The following CPPED1 variants were observed in gnomAD, a reference collection of about 807,000 sequenced individuals.
CPPED1 encodes calcineurin like phosphoesterase domain containing 1, also known as serine/threonine-protein phosphatase CPPED1.
In CPPED1, 28 loss-of-function variants were observed where a neutral mutation model predicts 28.0. The ratio of observed to expected loss-of-function variants is 1.00; its 90% CI spans 0.74 to 1.37. The LOEUF (loss-of-function observed/expected upper bound fraction) is 1.37. Among genes scored for constraint, CPPED1 ranks in the 40% most tolerant of loss-of-function variants. CPPED1 has a pLI of 0.00. For synonymous variants in CPPED1, 198 were observed against 180.2 expected, an observed-to-expected ratio of 1.10 and a Z score of -0.79; for missense variants, 504 against 416.5, an observed-to-expected ratio of 1.21 and a Z score of -1.83.
At chr16:12,744,788 C>A (rs1258996338) in intron 2 of CPPED1, among the ~76,000 whole-genome samples, 16 of 152,142 alleles carry the variant, frequency 1.1e-4, no homozygotes, top group Admixed American at 1.0e-3. Flanking sequence ...CAAGACCAGC[C>A]TCCTGGGCAA....
chr16:12,799,067 T>G (rs938534086), intron 1 of CPPED1, among the ~76,000 whole-genome samples: 1 of 152,082 alleles, frequency 6.6e-6, no homozygotes, highest in African/African-American at 2.4e-5. Flanking sequence ...AAATGGGTCT[T>G]AAAGCAAAGC....
intron 3 of CPPED1, among the ~76,000 whole-genome samples, chr16:12,685,722 C>G (rs1567275443): frequency 6.6e-6 from 1 of 152,172 alleles, no homozygotes; most frequent in Non-Finnish European, 1.5e-5. Context: ...TCAGGGAGGC[C>G]ACCAGCTTCA....
At chr16:12,679,629 C>T (rs1245657667) in intron 3 of CPPED1, among the ~76,000 whole-genome samples, 3 of 152,094 alleles carry the variant, frequency 2.0e-5, no homozygotes, top group East Asian at 3.9e-4. Context: ...TTTATATATT[C>T]GACAATGTAT....
chr16:12,683,416 T>G (rs2079916135), intron 3 of CPPED1, among the ~76,000 whole-genome samples: 1 of 152,112 alleles, frequency 6.6e-6, no homozygotes, highest in South Asian at 2.1e-4. Context: ...CTCTCACTGA[T>G]GACCACCGGT....
chr16:12,798,267 T>C (rs1346751339), intron 1 of CPPED1, among the ~76,000 whole-genome samples: 1 of 152,232 alleles, frequency 6.6e-6, no homozygotes, highest in Non-Finnish European at 1.5e-5. Flanking sequence ...TCATAAGCCC[T>C]ATTTACTCAC....
chr16:12,733,233 G>T (rs914842966), intron 2 of CPPED1, among the ~76,000 whole-genome samples: 1 of 150,568 alleles, frequency 6.6e-6, no homozygotes, highest in East Asian at 1.9e-4. Context: ...GTACAGGCAA[G>T]ATATTATAAA....
At chr16:12,674,972 G>C (rs997585785) in intron 3 of CPPED1, among the ~76,000 whole-genome samples, 2 of 151,996 alleles carry the variant, frequency 1.3e-5, no homozygotes, top group African/African-American at 4.8e-5. Flanking sequence ...CACTGCTGGA[G>C]GGGGGCACAC....
chr16:12,785,429 T>C (rs888875768), intron 1 of CPPED1, among the ~76,000 whole-genome samples: 2 of 147,080 alleles, frequency 1.4e-5, no homozygotes, highest in Non-Finnish European at 3.0e-5. Context: ...GTGAATTCTT[T>C]TTTTTTTTTT....
chr16:12,741,639 G>A (rs2080256107), intron 2 of CPPED1, among the ~76,000 whole-genome samples: 1 of 152,136 alleles, frequency 6.6e-6, no homozygotes, highest in Admixed American at 6.5e-5. Flanking sequence ...CATCTGTTAG[G>A]GTTTGATGAG....
At chr16:12,706,621 A>G (rs1444406176) in intron 2 of CPPED1, among the ~76,000 whole-genome samples, 4 of 149,214 alleles carry the variant, frequency 2.7e-5, no homozygotes, top group African/African-American at 7.4e-5. Context: ...AAGAAGATTG[A>G]GGAAGCCAGC....
chr16:12,778,302 A>T (rs1596481734), intron 2 of CPPED1, among the ~76,000 whole-genome samples: 1 of 116,720 alleles, frequency 8.6e-6, no homozygotes, highest in Admixed American at 1.1e-4. Context: ...TTTGAGATGG[A>T]GTCTCGCTCT....
chr16:12,757,214 C>T (rs1357113224), intron 2 of CPPED1, among the ~76,000 whole-genome samples: 1 of 152,144 alleles, frequency 6.6e-6, no homozygotes, highest in African/African-American at 2.4e-5. Context: ...TAGCCCAGGG[C>T]TGAGGGGTTT....
At chr16:12,726,679 C>T (rs1451286814) in intron 2 of CPPED1, among the ~76,000 whole-genome samples, 1 of 151,938 alleles carries the variant, frequency 6.6e-6, no homozygotes, top group East Asian at 2.0e-4. Flanking sequence ...TGTGGTGGGG[C>T]ATGCCTGTGG....
chr16:12,719,324 G>C (rs1242323223), intron 2 of CPPED1, among the ~76,000 whole-genome samples: 1 of 151,654 alleles, frequency 6.6e-6, no homozygotes, highest in African/African-American at 2.4e-5. Context: ...CCAGGAGGCG[G>C]AGCTTGCAGT....
chr16:12,796,887 CA>C (rs2080630841), intron 1 of CPPED1, among the ~76,000 whole-genome samples: 2 of 152,046 alleles, frequency 1.3e-5, no homozygotes, highest in South Asian at 4.2e-4. Context: ...GTCGGATAAA[CA>C]AAATGGGTTA....
At position 12,733,014 on chromosome 16, in the gene CPPED1, A is replaced by G. The variant is rs111947924; in HGVS notation, c.290-27965T>C. On this transcript the variant is annotated intron_variant, in intron 2 of 3. Transcript: ENST00000381774. ...GCAATCAGGAAATAGCTCCAGGAGA[A>G]ATTTCACCAAAAAGCTGAGATTGGT... Among the ~76,000 whole-genome samples the G allele has an allele frequency of 6.7e-3, 1,019 of 152,320 alleles. 4 individuals are homozygous for G. Among genetic ancestry groups the G allele is most frequent in the Middle Eastern group, 0.034 (10 of 294 alleles).
At chr16:12,775,101 TG>T (rs2080490128) in intron 2 of CPPED1, among the ~76,000 whole-genome samples, 1 of 152,152 alleles carries the variant, frequency 6.6e-6, no homozygotes, top group Non-Finnish European at 1.5e-5. Context: ...ATTATAGATG[TG>T]GGTCACTGCC....
intron 3 of CPPED1, among the ~76,000 whole-genome samples, chr16:12,685,663 A>G (rs1276422494): frequency 6.6e-6 from 1 of 152,008 alleles, no homozygotes; most frequent in Non-Finnish European, 1.5e-5. Context: ...GCCTCTCACT[A>G]TCCACACCCT....
intron 2 of CPPED1, among the ~76,000 whole-genome samples, chr16:12,741,691 A>G (rs1211182702): frequency 1.3e-5 from 2 of 152,206 alleles, no homozygotes; most frequent in African/African-American, 4.8e-5. Context: ...ACTTTCCAGT[A>G]TATGATGGTA....
Sources: gnomAD v4.1 joint callset for allele counts (sites outside exome capture counted in the v4.1 genomes callset) on GRCh38, gnomAD v4.1.1 for gene constraint, MANE v1.5 for transcripts, NCBI Gene and HGNC (gene_info 2026-07-23, HGNC 2026-07-21) for gene names.